SAMD5: variants seen among roughly 807,000 people sequenced by gnomAD.
The protein encoded by SAMD5 is sterile alpha motif domain containing 5.
In SAMD5, 13 loss-of-function variants were observed where a neutral mutation model predicts 11.3. The observed-to-expected ratio is 1.15, with a 90% CI of 0.75 to 1.83. The LOEUF (loss-of-function observed/expected upper bound fraction) is 1.83. Among genes scored for constraint, SAMD5 ranks in the 40% most tolerant of loss-of-function variants. SAMD5 has a pLI of 0.00. For missense variants in SAMD5, 255 were observed against 239.1 expected (o/e 1.07, Z -0.44); for synonymous variants, 129 against 111.3 (o/e 1.16, Z -1.00).
At chr6:147,775,892 T>C in the SAMD5 span, among the ~76,000 whole-genome samples, 2 of 152,174 alleles carry the variant, frequency 1.3e-5, no homozygotes. Flanking sequence ...ATGGCGATAA[T>C]GATATTTTAT....
At chr6:147,765,721 A>G in the SAMD5 span, among the ~76,000 whole-genome samples, 12 of 152,182 alleles carry the variant, frequency 7.9e-5, 1 homozygote, top group Non-Finnish European at 1.5e-5. Flanking sequence ...CTGAAGAGAG[A>G]GGCTTTGCCA....
chr6:147,850,727 A>G, the SAMD5 span, among the ~76,000 whole-genome samples: 4 of 152,078 alleles, frequency 2.6e-5, no homozygotes, highest in South Asian at 2.1e-4. Context: ...ATCTCATGCC[A>G]TCCCACCCTG....
intron 1 of SAMD5, among the ~76,000 whole-genome samples, chr6:147,533,035 G>A (rs1178913529): frequency 1.3e-5 from 2 of 152,030 alleles, no homozygotes; most frequent in Middle Eastern, 3.2e-3. Context: ...TGTCCTCCCT[G>A]TACAGCAGAA....
chr6:147,540,223 G>T (rs74718916), intron 1 of SAMD5, among the ~76,000 whole-genome samples: 8 of 152,090 alleles, frequency 5.3e-5, no homozygotes, highest in Admixed American at 1.3e-4. Context: ...GTAAAAAACC[G>T]GAAAGGAATC....
intron 1 of SAMD5, among the ~76,000 whole-genome samples, chr6:147,691,595 G>A (rs1275230610): frequency 6.6e-6 from 1 of 152,146 alleles, no homozygotes; most frequent in Non-Finnish European, 1.5e-5. Context: ...TTACTTTGCT[G>A]AAGCCATCAT....
chr6:147,660,012 G>C (rs954412831), intron 1 of SAMD5, among the ~76,000 whole-genome samples: 6 of 152,038 alleles, frequency 3.9e-5, no homozygotes, highest in African/African-American at 1.4e-4. Flanking sequence ...GATGCTATTA[G>C]GAGCACCCTG....
In SAMD5 at chr6:147,677,771, G is replaced by A. The variant is rs542688549; in HGVS notation, c.163-59546G>A. Among the ~76,000 whole-genome samples, 3 of 152,180 alleles carry A rather than the reference G, an allele frequency of 2.0e-5. No individual in the cohort carries two copies. The East Asian group carries it at 5.8e-4, about 30-fold the overall frequency. On this transcript the variant is annotated intron_variant, in intron 1 of 1. Transcript: ENST00000566741. Reference sequence around the variant, plus strand: ...GGAGGTTAGAGGGTGTATGGTGGTTGCATCGTAGTTAGTAGGGAGCCTTGT... The same window carrying A: ...GGAGGTTAGAGGGTGTATGGTGGTTACATCGTAGTTAGTAGGGAGCCTTGT...
the SAMD5 span, among the ~76,000 whole-genome samples, chr6:147,911,103 A>G: frequency 6.6e-6 from 1 of 152,250 alleles, no homozygotes; most frequent in Non-Finnish European, 1.5e-5. Context: ...AAAAGCCTGC[A>G]TGTAACTGAA....
At chr6:147,706,433 G>T (rs761976720) in intron 1 of SAMD5, among the ~76,000 whole-genome samples, 15 of 152,112 alleles carry the variant, frequency 9.9e-5, no homozygotes, top group Non-Finnish European at 2.2e-4. Flanking sequence ...TTACCATGTT[G>T]ACCAGGCTGC....
Position 147,568,057 on chromosome 6 carries a change from G to C in SAMD5, c.*3601G>C. 1.0e-6 allele frequency: 1 copy of C among 985,296 alleles called. No homozygotes were observed. Among genetic ancestry groups the C allele is most frequent in the Non-Finnish European group, 1.2e-6 (1 of 829,840 alleles). The allele number at this position is 985,296 out of a possible 1,614,324, so 61.0% of individuals were successfully genotyped here. ...CTCTTTATGGCAGCTTCAGATTGAT[G>C]AATTTGAGGTACAAATGAGTGAGTG... On this transcript the variant is annotated 3_prime_UTR_variant, in exon 2 of 2. Transcript: ENST00000367474.
intron 1 of SAMD5, among the ~76,000 whole-genome samples, chr6:147,520,344 C>T (rs1275613806): frequency 6.6e-6 from 1 of 152,134 alleles, no homozygotes; most frequent in Non-Finnish European, 1.5e-5. Flanking sequence ...TGGTCTCAAA[C>T]TCCTGACCTC....
the SAMD5 span, among the ~76,000 whole-genome samples, chr6:147,952,560 G>C: frequency 2.6e-5 from 4 of 152,170 alleles, no homozygotes; most frequent in African/African-American, 9.7e-5. Context: ...ACCCAGGCTG[G>C]AGTGCAGAGA....
the SAMD5 span, among the ~76,000 whole-genome samples, chr6:147,900,596 A>C: frequency 6.6e-6 from 1 of 152,200 alleles, no homozygotes; most frequent in Non-Finnish European, 1.5e-5. Context: ...GGAATGAAGA[A>C]TCACAGGAGA....
intron 1 of SAMD5, among the ~76,000 whole-genome samples, chr6:147,732,501 C>T (rs190688250): frequency 3.9e-5 from 6 of 152,216 alleles, no homozygotes; most frequent in South Asian, 2.1e-4. Context: ...TGAATTCTTA[C>T]GTAAGTCTAT....
the SAMD5 span, among the ~76,000 whole-genome samples, chr6:147,878,596 C>CATATATATCTATATAGATATATAT: frequency 4.4e-4 from 63 of 143,658 alleles, no homozygotes; most frequent in East Asian, 0.011. Context: ...GATATATATA[C>CATATATATCTATATAGATATATAT]ATATATATCT....
chr6:147,596,171 C>T (rs1789528688), intron 1 of SAMD5, among the ~76,000 whole-genome samples: 1 of 152,040 alleles, frequency 6.6e-6, no homozygotes, highest in Admixed American at 6.5e-5. Flanking sequence ...TTCTTTTGTC[C>T]TCATGTGCTT....
At chr6:147,701,692 CAGTTAG>C (rs943527123) in intron 1 of SAMD5, among the ~76,000 whole-genome samples, 4 of 151,282 alleles carry the variant, frequency 2.6e-5, no homozygotes, top group Admixed American at 6.6e-5. Flanking sequence ...GATATGTATT[CAGTTAG>C]AGGGTTCATT....
the SAMD5 span, among the ~76,000 whole-genome samples, chr6:147,878,502 G>T: frequency 4.0e-5 from 6 of 150,136 alleles, no homozygotes; most frequent in African/African-American, 1.5e-4. Flanking sequence ...TAATATTAAT[G>T]ACATAGTTTA....
intron 1 of SAMD5, among the ~76,000 whole-genome samples, chr6:147,575,143 A>G (rs1163756659): frequency 6.6e-6 from 1 of 152,218 alleles, no homozygotes; most frequent in Non-Finnish European, 1.5e-5. Flanking sequence ...ATGTAAGGTA[A>G]TTCTATAGGA....
Sources: allele counts gnomAD v4.1 joint callset (sites outside exome capture counted in the v4.1 genomes callset), GRCh38; gene constraint gnomAD v4.1.1; transcripts MANE v1.5; gene names NCBI Gene and HGNC (gene_info 2026-07-23, HGNC 2026-07-21).